The following ANTXR2 variants were observed in gnomAD, a reference collection of about 807,000 sequenced individuals.
ANTXR2 encodes the protein ANTXR cell adhesion molecule 2.
A neutral mutation model predicts 73.7 loss-of-function variants in ANTXR2; 44 were observed. The ratio of observed to expected loss-of-function variants is 0.60; its 90% confidence interval spans 0.47 to 0.77. The LOEUF (loss-of-function observed/expected upper bound fraction) is 0.77, where lower values mean the gene tolerates loss of function less well. Among genes scored for constraint, ANTXR2 ranks in the 30% least tolerant of loss-of-function variants. ANTXR2 has a pLI of 0.00. For synonymous variants in ANTXR2, 217 were observed against 205.9 expected (o/e 1.05, Z -0.46); for missense variants, 604 against 592.5 (o/e 1.02, Z -0.20).
rs1221921693 is a variant in ANTXR2, at chr4:79,903,595, G to A, written c.*3834C>T. 6.6e-6 allele frequency: 1 copy of A among 152,140 alleles called. No individual in the cohort carries two copies. Among genetic ancestry groups the A allele is most frequent in the Non-Finnish European group, 1.5e-5 (1 of 68,008 alleles). The allele number at this position is 152,140 out of a possible 1,614,324, so 9.4% of individuals were successfully genotyped here. A position where few individuals can be genotyped will look rare whatever the true frequency, so the allele number is the denominator to read the frequency against. ...AAGTCTTTCTTTTATCCGATCGACT[G>A]AATTAGATTCCAGTAGGTGTGGAAA... is the stretch of plus-strand genomic sequence containing the variant. On this transcript the variant is annotated 3_prime_UTR_variant, in exon 17 of 17. Coordinates refer to ENST00000403729, the MANE Select transcript of ANTXR2 (RefSeq NM_058172.6).
chr4:79,926,949 ATATACGTGTGCATATATGTG>A (rs1322105741), intron 16 of ANTXR2, among the ~76,000 whole-genome samples: 2 of 66,034 alleles, frequency 3.0e-5, no homozygotes, highest in African/African-American at 4.9e-5. Flanking sequence ...ATATGTGTAT[ATATACGTGTGCATATATGTG>A]TATATATACG....
chr4:79,978,369 CAA>C (rs34603918), intron 14 of ANTXR2, among the ~76,000 whole-genome samples, 195 bp from the exon 15 acceptor site: 89 of 136,318 alleles, frequency 6.5e-4, no homozygotes, highest in East Asian at 3.1e-3. Flanking sequence ...TATTAAGATC[CAA>C]AAAAAAAAAA....
At chr4:79,976,956 A>T (rs1349515574) in intron 16 of ANTXR2, among the ~76,000 whole-genome samples, 2 of 152,238 alleles carry the variant, frequency 1.3e-5, no homozygotes, top group Non-Finnish European at 2.9e-5. Flanking sequence ...AATTTTTCTT[A>T]CATCAATACA....
chr4:80,057,538 C>T (rs1734053280), intron 3 of ANTXR2, among the ~76,000 whole-genome samples: 3 of 151,868 alleles, frequency 2.0e-5, no homozygotes, highest in African/African-American at 7.3e-5. Context: ...GACCCTAATC[C>T]TTCTCTTTCC....
chr4:79,960,133 C>A (rs1729091211), intron 16 of ANTXR2, among the ~76,000 whole-genome samples: 1 of 152,142 alleles, frequency 6.6e-6, no homozygotes, highest in Non-Finnish European at 1.5e-5. Context: ...CACCAATCTG[C>A]ACTAGGTTCC....
intron 1 of ANTXR2, 28 bp from the exon 2 acceptor site, chr4:80,071,682 G>A (rs755419729): frequency 4.5e-6 from 7 of 1,551,556 alleles, no homozygotes; most frequent in Non-Finnish European, 6.2e-6. Flanking sequence ...ACTGATCAGA[G>A]AAACAAAACA....
intron 16 of ANTXR2, among the ~76,000 whole-genome samples, chr4:79,928,851 A>AT (rs1727939008): frequency 6.6e-6 from 1 of 152,212 alleles, no homozygotes. Flanking sequence ...TGCTTTATAT[A>AT]TACATATATT....
intron 3 of ANTXR2, among the ~76,000 whole-genome samples, chr4:80,068,042 A>G (rs1029878049): frequency 2.6e-5 from 4 of 152,232 alleles, no homozygotes; most frequent in Non-Finnish European, 5.9e-5. Context: ...TGGGAAGACA[A>G]GATCCTAGGC....
intron 7 of ANTXR2, among the ~76,000 whole-genome samples, chr4:80,038,441 G>A (rs1733083203): frequency 2.0e-5 from 3 of 152,158 alleles, no homozygotes; most frequent in East Asian, 3.9e-4. Context: ...GACTGCTGGT[G>A]ATCTACATCT....
chr4:79,935,515 GAA>G (rs35278452), intron 16 of ANTXR2, among the ~76,000 whole-genome samples: 1 of 149,952 alleles, frequency 6.7e-6, no homozygotes, highest in East Asian at 1.9e-4. Flanking sequence ...AGCTGAACTG[GAA>G]AAAAAAAAGG....
chr4:80,002,893 T>C (rs1731118416), intron 12 of ANTXR2, among the ~76,000 whole-genome samples: 3 of 147,768 alleles, frequency 2.0e-5, no homozygotes, highest in Admixed American at 6.9e-5. Context: ...ATGGCAATCA[T>C]TAAAAAGTCA....
intron 8 of ANTXR2, 151 bp downstream of exon 8, chr4:80,035,821 T>G (rs887542251): frequency 3.1e-6 from 2 of 638,068 alleles, no homozygotes; most frequent in Non-Finnish European, 5.4e-6. Flanking sequence ...ATAGAAATAT[T>G]TCAAGGAATT....
chr4:79,988,642 A>T (rs911945645), intron 12 of ANTXR2, among the ~76,000 whole-genome samples: 3 of 152,120 alleles, frequency 2.0e-5, no homozygotes, highest in Non-Finnish European at 4.4e-5. Flanking sequence ...GCACTTAACC[A>T]AATGGACCTA....
chr4:79,959,145 TTA>T (rs1196697975), intron 16 of ANTXR2, among the ~76,000 whole-genome samples: 6 of 152,084 alleles, frequency 3.9e-5, no homozygotes, highest in African/African-American at 1.4e-4. Flanking sequence ...AATGATTGTG[TTA>T]TGTTTTTATA....
In ANTXR2 at chr4:79,907,438, T is replaced by C. The variant is rs1365592859; in HGVS notation, c.1458A>G (p.Pro486=). Reference sequence around the variant, plus strand: ...TCTTCCTGCTTCCCTTTTACTGAGATGGAACTCGGGAGAAGTTTATGCACC... The same window carrying C: ...TCTTCCTGCTTCCCTTTTACTGAGACGGAACTCGGGAGAAGTTTATGCACC... The part of the protein sequence containing the change: ...EGRCINFSRV[P]SQ Residue 486 remains proline (P), a synonymous_variant, in exon 17 of 17, where the codon CCA becomes CCG. Coordinates refer to ENST00000403729, the MANE Select transcript of ANTXR2 (RefSeq NM_058172.6). The C allele has an allele frequency of 1.9e-6, 3 of 1,612,914 alleles. No homozygotes were observed. The highest frequency in any genetic ancestry group is 4.5e-5 in the East Asian group (2 of 44,822).
At chr4:79,910,423 C>T (rs1442179377) in intron 16 of ANTXR2, among the ~76,000 whole-genome samples, 16 of 148,102 alleles carry the variant, frequency 1.1e-4, no homozygotes, top group East Asian at 2.0e-4. Context: ...GCAGGAGAAT[C>T]GCTTGAACCC....
chr4:80,031,253 TGGGTGTGTGCATGCACACAC>T (rs1377108651), intron 10 of ANTXR2, among the ~76,000 whole-genome samples: 2 of 151,372 alleles, frequency 1.3e-5, no homozygotes, highest in Non-Finnish European at 3.0e-5. Context: ...ACTTTTGAAC[TGGGTGTGTGCATGCACACAC>T]ATGTGTGTGC....
At chr4:80,068,283 A>G (rs1243311585) in intron 3 of ANTXR2, among the ~76,000 whole-genome samples, 1 of 152,224 alleles carries the variant, frequency 6.6e-6, no homozygotes, top group Non-Finnish European at 1.5e-5. Context: ...ATCATGCAAA[A>G]CAAAGTACAC....
intron 16 of ANTXR2, among the ~76,000 whole-genome samples, chr4:79,949,750 T>G (rs1303534220): frequency 6.6e-6 from 1 of 152,150 alleles, no homozygotes; most frequent in Non-Finnish European, 1.5e-5. Context: ...GCAAAATAGA[T>G]GGCATGTAGA....
Sources: allele counts gnomAD v4.1 joint callset (sites outside exome capture counted in the v4.1 genomes callset), GRCh38; gene constraint gnomAD v4.1.1; transcripts MANE v1.5; gene names NCBI Gene and HGNC (gene_info 2026-07-23, HGNC 2026-07-21).